PRKAG2: variants seen among roughly 807,000 people sequenced by gnomAD.
The protein encoded by PRKAG2 is protein kinase AMP-activated non-catalytic subunit gamma 2.
In PRKAG2, 26 loss-of-function variants were observed where a neutral mutation model predicts 69.6. That is an observed-to-expected ratio of 0.37 (90% CI 0.27 to 0.52). The LOEUF (loss-of-function observed/expected upper bound fraction) is 0.52, where lower values mean the gene tolerates loss of function less well. Ranked by LOEUF, PRKAG2 falls within the 20% of genes least tolerant of loss-of-function variation. The pLI, the probability that PRKAG2 is intolerant of heterozygous loss-of-function variation, is 0.90. For synonymous variants in PRKAG2, 293 were observed against 285.0 expected (o/e 1.03, Z -0.28); for missense variants, 557 against 740.0 (o/e 0.75, Z 2.87).
chr7:151,714,367 C>T (rs913342093), intron 3 of PRKAG2, among the ~76,000 whole-genome samples: 3 of 151,490 alleles, frequency 2.0e-5, no homozygotes, highest in South Asian at 2.1e-4. Context: ...CGCACGCTGC[C>T]GTCCTCCCAT....
At chr7:151,681,303 G>A (rs1289965692) in intron 3 of PRKAG2, among the ~76,000 whole-genome samples, 2 of 152,332 alleles carry the variant, frequency 1.3e-5, no homozygotes, top group African/African-American at 4.8e-5. Flanking sequence ...ATCTTTCCAA[G>A]TTCAGAAGCT....
intron 1 of PRKAG2, among the ~76,000 whole-genome samples, chr7:151,808,172 T>C (rs183453739): frequency 2.6e-4 from 40 of 152,288 alleles, no homozygotes; most frequent in African/African-American, 9.6e-4. Context: ...CACCAGAGAT[T>C]GGTGATGCTC....
Position 151,874,024 on chromosome 7 carries a change from GATGTAT to G in PRKAG2, c.114+2477_114+2482del, listed in dbSNP as rs149742160. Among the ~76,000 whole-genome samples the G allele has an allele frequency of 2.3e-5, 3 of 133,004 alleles. 1 individual carries two copies. The highest frequency in any genetic ancestry group is 5.0e-5 in the Non-Finnish European group (3 of 59,980). 87.3% of individuals were successfully genotyped at this position (133,004 alleles called of 152,430 possible). A position where few individuals can be genotyped will look rare whatever the true frequency, so the allele number is the denominator to read the frequency against. ...TGTATATGTATAAGTATATGTATAT[GATGTAT>G]ATGTATATGATGTATATGTATGTAT... On this transcript the variant is annotated intron_variant, in intron 1 of 15. Transcript: ENST00000287878.
chr7:151,612,384 T>A (rs181137418), intron 5 of PRKAG2, among the ~76,000 whole-genome samples: 1 of 152,254 alleles, frequency 6.6e-6, no homozygotes, highest in East Asian at 1.9e-4. Context: ...GTATAAGGCT[T>A]GTCAACTCTA....
intron 2 of PRKAG2, among the ~76,000 whole-genome samples, chr7:151,782,362 AGGGAGGG>A (rs1157659427): frequency 0.014 from 946 of 65,992 alleles, 36 homozygotes; most frequent in Non-Finnish European, 0.02. Flanking sequence ...GGAGGGAGGG[AGGGAGGG>A]AGGGAAGGAA....
intron 1 of PRKAG2, among the ~76,000 whole-genome samples, chr7:151,857,164 G>A (rs1454503074): frequency 6.8e-6 from 1 of 147,098 alleles, no homozygotes; most frequent in Non-Finnish European, 1.5e-5. Flanking sequence ...GGGAGTATAA[G>A]GGATGGGCAC....
At chr7:151,703,695 T>C (rs1838098144) in intron 3 of PRKAG2, among the ~76,000 whole-genome samples, 2 of 152,206 alleles carry the variant, frequency 1.3e-5, no homozygotes, top group African/African-American at 4.8e-5. Flanking sequence ...ATCATCATCA[T>C]TCTTTTTCTA....
intron 3 of PRKAG2, among the ~76,000 whole-genome samples, chr7:151,735,660 C>T (rs1586170316): frequency 6.6e-6 from 1 of 152,222 alleles, no homozygotes; most frequent in Non-Finnish European, 1.5e-5. Flanking sequence ...CCTCCCTGGG[C>T]CAGGTGGGGC....
At chr7:151,793,645 G>A (rs2077364221) in intron 1 of PRKAG2, among the ~76,000 whole-genome samples, 1 of 152,208 alleles carries the variant, frequency 6.6e-6, no homozygotes, top group South Asian at 2.1e-4. Flanking sequence ...AGTGGTGACT[G>A]TGGCCTGGAT....
At chr7:151,611,715 T>G (rs1818916075) in intron 5 of PRKAG2, among the ~76,000 whole-genome samples, 1 of 151,972 alleles carries the variant, frequency 6.6e-6, no homozygotes, top group Non-Finnish European at 1.5e-5. Flanking sequence ...CGTGGGGTGG[T>G]CCAGATCTCA....
chr7:151,577,244 T>C (rs182631591), intron 6 of PRKAG2, among the ~76,000 whole-genome samples: 1 of 152,324 alleles, frequency 6.6e-6, no homozygotes, highest in East Asian at 1.9e-4. Flanking sequence ...ATTTTTGCAT[T>C]TTATACCTTC....
At chr7:151,819,785 A>G (rs899611560) in intron 1 of PRKAG2, among the ~76,000 whole-genome samples, 11 of 152,138 alleles carry the variant, frequency 7.2e-5, no homozygotes, top group Non-Finnish European at 1.3e-4. Context: ...CAAATGTGGG[A>G]TGGGGCCCCA....
chr7:151,695,063 G>A (rs1035202438), intron 3 of PRKAG2, among the ~76,000 whole-genome samples: 10 of 152,226 alleles, frequency 6.6e-5, no homozygotes, highest in Admixed American at 1.3e-4. Context: ...CCAAGTTTCC[G>A]ATGTGCTGTT....
intron 4 of PRKAG2, among the ~76,000 whole-genome samples, chr7:151,637,324 TTTA>T (rs1429846314): frequency 6.6e-6 from 1 of 152,220 alleles, no homozygotes; most frequent in Admixed American, 6.5e-5. Flanking sequence ...CTTGCAATAA[TTTA>T]AAAAAATTCT....
chr7:151,669,882 T>TGCACATACC lies in PRKAG2; in HGVS notation c.684+5537_684+5538insGGTATGTGC, dbSNP rs1831617399. Among the ~76,000 whole-genome samples the TGCACATACC allele has an allele frequency of 7.2e-3, 526 of 73,236 alleles. 4 individuals are homozygous for TGCACATACC. The highest frequency in any genetic ancestry group is 0.057 in the Middle Eastern group (5 of 88). 48.0% of individuals were successfully genotyped at this position (73,236 alleles called of 152,430 possible). The stretch of plus-strand genomic sequence containing the variant: ...CATGCATACATACTTGCACACACAG[T>TGCACATACC]TGCATGCACACACACCTGCATGCAC... On this transcript the variant is annotated intron_variant, in intron 4 of 15. Transcript: ENST00000287878.
Position 151,814,383 on chromosome 7 carries a change from A to C in PRKAG2, c.115-27842T>G. On this transcript the variant is annotated intron_variant, in intron 1 of 15. Coordinates refer to ENST00000287878, the MANE Select transcript of PRKAG2 (RefSeq NM_016203.4). This position sits in a 1 kb window ranked among gnomAD's most constrained non-coding sequence, Gnocchi z 4.8. The stretch of plus-strand genomic sequence containing the variant: ...ACCCAGGGACGCACAATCACTATGC[A>C]TTTAGAAAGCCAGCTCCCGCAGGTC... 8.2e-7 allele frequency: 1 copy of C among 1,212,242 alleles called. No homozygotes were observed. The highest frequency in any genetic ancestry group is 4.3e-5 in the South Asian group (1 of 23,204). 75.1% of individuals were successfully genotyped at this position (1,212,242 alleles called of 1,614,324 possible).
chr7:151,686,259 T>C (rs1834724497), intron 3 of PRKAG2, among the ~76,000 whole-genome samples: 1 of 152,168 alleles, frequency 6.6e-6, no homozygotes, highest in South Asian at 2.1e-4. Flanking sequence ...ACGCGGGTGG[T>C]TGGACATGTT....
intron 3 of PRKAG2, among the ~76,000 whole-genome samples, chr7:151,746,823 A>T (rs1026158896): frequency 2.6e-5 from 4 of 152,182 alleles, no homozygotes; most frequent in African/African-American, 9.7e-5. Context: ...GACTTGCAAT[A>T]GGAGCTCCAC....
rs2079129360 is a variant in PRKAG2, at chr7:151,835,637, T to C, written c.114+40870A>G. Among the ~76,000 whole-genome samples, 2 of 152,166 alleles carry C rather than the reference T, an allele frequency of 1.3e-5. No homozygotes were observed. Among genetic ancestry groups the C allele is most frequent in the African/African-American group, 2.4e-5 (1 of 41,428 alleles). Reference sequence around the variant, plus strand: ...GAACCACTCTCGTTGTGGTTTTAAATTGTCATCACTTGCCAGATAAGGAGA... The same window carrying C: ...GAACCACTCTCGTTGTGGTTTTAAACTGTCATCACTTGCCAGATAAGGAGA... On this transcript the variant is annotated intron_variant, in intron 1 of 15. Coordinates refer to ENST00000287878, the MANE Select transcript of PRKAG2 (RefSeq NM_016203.4). This position sits in a 1 kb window ranked among gnomAD's most constrained non-coding sequence, Gnocchi z 4.1.
Sources: allele counts gnomAD v4.1 joint callset (sites outside exome capture counted in the v4.1 genomes callset), GRCh38; gene constraint gnomAD v4.1.1; non-coding constraint Gnocchi (gnomAD v3.1); transcripts MANE v1.5; gene names NCBI Gene and HGNC (gene_info 2026-07-23, HGNC 2026-07-21).